The following MACROD2 variants were observed in gnomAD, a reference collection of about 807,000 sequenced individuals.
The protein encoded by MACROD2 is mono-ADP ribosylhydrolase 2.
A neutral mutation model predicts 70.4 loss-of-function variants in MACROD2; 36 were observed. The observed-to-expected ratio is 0.51, with a 90% CI of 0.39 to 0.68. MACROD2 has a LOEUF of 0.68. Among genes scored for constraint, MACROD2 ranks in the 30% least tolerant of loss-of-function variants. MACROD2 has a pLI of 0.00. For missense variants in MACROD2, 496 were observed against 538.4 expected (o/e 0.92, Z 0.78); for synonymous variants, 172 against 178.8 (o/e 0.96, Z 0.30).
At chr20:15,500,936 T>G (rs2047356734) in intron 8 of MACROD2, among the ~76,000 whole-genome samples, 4 of 152,218 alleles carry the variant, frequency 2.6e-5, no homozygotes, top group Admixed American at 2.6e-4. Context: ...AACAAATAGC[T>G]AAAATAGCCA....
chr20:15,198,702 C>T (rs374669251), intron 5 of MACROD2, among the ~76,000 whole-genome samples: 8 of 152,016 alleles, frequency 5.3e-5, no homozygotes, highest in African/African-American at 1.7e-4. Context: ...TATTTTTTCC[C>T]AATTTCTCTT....
At chr20:15,581,636 A>C (rs1030320497) in intron 8 of MACROD2, among the ~76,000 whole-genome samples, 2 of 152,190 alleles carry the variant, frequency 1.3e-5, no homozygotes, top group South Asian at 4.1e-4. Context: ...ACTTAAATGT[A>C]GATTTTCAGA....
At chr20:14,697,785 A>T (rs2071144326) in intron 5 of MACROD2, among the ~76,000 whole-genome samples, 1 of 152,204 alleles carries the variant, frequency 6.6e-6, no homozygotes, top group African/African-American at 2.4e-5. Flanking sequence ...GTTTGGGAAC[A>T]GTGGAGCTTT....
intron 5 of MACROD2, among the ~76,000 whole-genome samples, chr20:15,173,462 A>C (rs1401083621): frequency 2.0e-5 from 3 of 152,084 alleles, no homozygotes; most frequent in African/African-American, 7.2e-5. Context: ...CAATTTCCTT[A>C]CTCACTTTGG....
At chr20:14,323,254 C>T (rs2122556810) in intron 3 of MACROD2, 3 of 152,254 alleles carry the variant, frequency 2.0e-5, no homozygotes, top group Admixed American at 2.0e-4. Context: ...CCCAGGATCC[C>T]CTTTTTGTGT....
At chr20:14,308,521 C>A (rs377025813) in intron 3 of MACROD2, among the ~76,000 whole-genome samples, 1 of 152,068 alleles carries the variant, frequency 6.6e-6, no homozygotes, top group Non-Finnish European at 1.5e-5. Flanking sequence ...CCTAAAATAG[C>A]ATGAAATCAG....
intron 8 of MACROD2, among the ~76,000 whole-genome samples, chr20:15,519,361 T>A (rs2047619579): frequency 6.6e-6 from 1 of 152,110 alleles, no homozygotes; most frequent in South Asian, 2.1e-4. Context: ...CCTTACCTTG[T>A]GATCCTCCCA....
Position 15,978,582 on chromosome 20 carries a change from GTCTCTCTCTCTCTCTCTC to G in MACROD2, c.986-8128_986-8111del, listed in dbSNP as rs59205516. Among the ~76,000 whole-genome samples, 583 of 146,424 alleles carry G rather than the reference GTCTCTCTCTCTCTCTCTC, an allele frequency of 4.0e-3. 2 individuals are homozygous for G. Among genetic ancestry groups the G allele is most frequent in the African/African-American group, 0.014 (545 of 39,348 alleles). The stretch of plus-strand genomic sequence containing the variant: ...AATAAACTTACTCGCCTGACCTTGG[GTCTCTCTCTCTCTCTCTC>G]TCTCTCTCTCTCTCTCGTTCTTTCT... On this transcript the variant is annotated intron_variant, in intron 13 of 17. Coordinates refer to ENST00000684519, the MANE Select transcript of MACROD2 (RefSeq NM_001351661.2).
chr20:15,994,804 C>A lies in MACROD2; in HGVS notation c.1153+7646C>A, dbSNP rs2066605342. On this transcript the variant is annotated intron_variant, in intron 15 of 17. Coordinates refer to ENST00000684519, the MANE Select transcript of MACROD2 (RefSeq NM_001351661.2). ...ATTTTTCAGAGATTTTCACCTAAGT[C>A]ATTGAAACTCATTCTGCAAGTTTGA... Among the ~76,000 whole-genome samples, 3 of 152,106 alleles carry A rather than the reference C, an allele frequency of 2.0e-5. No individual in the cohort carries two copies. In the South Asian group the frequency reaches 6.2e-4, roughly 31 times the overall value.
chr20:15,574,335 A>G (rs1434461644), intron 8 of MACROD2, among the ~76,000 whole-genome samples: 1 of 152,178 alleles, frequency 6.6e-6, no homozygotes, highest in Non-Finnish European at 1.5e-5. Flanking sequence ...GAAATCATCT[A>G]GAGTTTGGAA....
At chr20:15,633,073 G>A (rs149984344) in intron 8 of MACROD2, among the ~76,000 whole-genome samples, 3 of 152,204 alleles carry the variant, frequency 2.0e-5, no homozygotes, top group African/African-American at 7.2e-5. Flanking sequence ...GTGAAGACTA[G>A]AGTGACTTAA....
At chr20:15,031,944 G>T (rs1317434037) in intron 5 of MACROD2, among the ~76,000 whole-genome samples, 1 of 152,170 alleles carries the variant, frequency 6.6e-6, no homozygotes, top group Non-Finnish European at 1.5e-5. Flanking sequence ...GGCTGTTCGT[G>T]CCCAGGCCCG....
rs1334016165 is a variant in MACROD2, at chr20:14,712,746, T to C, written c.418+27787T>C. The stretch of plus-strand genomic sequence containing the variant: ...GTATCTCCTAATCTCTCAACTATTT[T>C]TTTCTTTTGATTTTTAATCTCACTC... On this transcript the variant is annotated intron_variant, in intron 5 of 17. Transcript: ENST00000684519. Among the ~76,000 whole-genome samples the C allele has an allele frequency of 2.0e-5, 3 of 152,202 alleles. No individual in the cohort carries two copies. In the East Asian group the frequency reaches 5.8e-4, roughly 29 times the overall value.
intron 8 of MACROD2, among the ~76,000 whole-genome samples, chr20:15,512,638 A>G (rs1241920624): frequency 1.3e-5 from 2 of 152,278 alleles, no homozygotes; most frequent in East Asian, 3.9e-4. Flanking sequence ...TAGCGGCAAG[A>G]GATGATTTTC....
At chr20:14,694,173 A>T (rs781608465) in intron 5 of MACROD2, among the ~76,000 whole-genome samples, 13 of 152,226 alleles carry the variant, frequency 8.5e-5, no homozygotes, top group Non-Finnish European at 1.8e-4. Context: ...GATAGTTCAT[A>T]CATTTTTGAA....
intron 3 of MACROD2, among the ~76,000 whole-genome samples, chr20:14,162,069 A>C (rs538062000): frequency 6.6e-6 from 1 of 152,066 alleles, no homozygotes; most frequent in East Asian, 1.9e-4. Flanking sequence ...CATAGGTTTG[A>C]TTTGTTGTGT....
At chr20:15,968,788 A>C (rs1340534919) in intron 13 of MACROD2, among the ~76,000 whole-genome samples, 1 of 134,404 alleles carries the variant, frequency 7.4e-6, no homozygotes, top group East Asian at 2.1e-4. Flanking sequence ...ATAATATTAT[A>C]TATTATGCGT....
intron 3 of MACROD2, among the ~76,000 whole-genome samples, chr20:14,245,205 A>G (rs113281258): frequency 0.022 from 3,290 of 152,120 alleles, 134 homozygotes; most frequent in African/African-American, 0.075. Flanking sequence ...TCTACTAAAA[A>G]TACACAAATC....
intron 15 of MACROD2, among the ~76,000 whole-genome samples, chr20:16,034,825 C>A (rs145370357): frequency 6.6e-6 from 1 of 151,304 alleles, no homozygotes; most frequent in Non-Finnish European, 1.5e-5. Context: ...TACTCTTCCC[C>A]CTAAGTCCCC....
Sources: gnomAD v4.1 joint callset for allele counts (sites outside exome capture counted in the v4.1 genomes callset) on GRCh38, gnomAD v4.1.1 for gene constraint, MANE v1.5 for transcripts, NCBI Gene and HGNC (gene_info 2026-07-23, HGNC 2026-07-21) for gene names.